NDST1: variants seen among roughly 807,000 people sequenced by gnomAD.
NDST1 encodes bifunctional heparan sulfate N-deacetylase/N-sulfotransferase 1.
In NDST1, 35 loss-of-function variants were observed where a neutral mutation model predicts 92.8. That is an observed-to-expected ratio of 0.38 (90% CI 0.29 to 0.50). The LOEUF (loss-of-function observed/expected upper bound fraction) is 0.50. Ranked by LOEUF, NDST1 falls within the 20% of genes least tolerant of loss-of-function variation. NDST1 has a pLI of 0.94. For missense variants in NDST1, 822 were observed against 1,182.7 expected (o/e 0.69, Z 4.47); for synonymous variants, 493 against 500.3 (o/e 0.99, Z 0.19).
intron 2 of NDST1, among the ~76,000 whole-genome samples, chr5:150,522,755 G>A (rs1754298478): frequency 1.3e-5 from 2 of 152,126 alleles, no homozygotes; most frequent in Non-Finnish European, 2.9e-5. Flanking sequence ...AAGAAACAAA[G>A]CAGGGAAAGG....
At chr5:150,545,991 C>A (rs1326551271) in intron 11 of NDST1, among the ~76,000 whole-genome samples, 1 of 83,692 alleles carries the variant, frequency 1.2e-5, no homozygotes, top group Non-Finnish European at 2.3e-5. Flanking sequence ...CCAGAGCTGT[C>A]TTTTTTTTTT....
rs138112808 is a variant in NDST1, at chr5:150,527,830, G to A, written c.540G>A (p.Ala180=). Residue 180 remains alanine, a synonymous_variant, in exon 3 of 15, where the codon GCG becomes GCA. Coordinates refer to ENST00000261797, the MANE Select transcript of NDST1 (RefSeq NM_001543.5). ...FKANENSLLS[A]QLKGFPLFLH... is the part of the protein sequence containing the mutation. Reference sequence around the variant, plus strand: ...CCAATGAGAACAGCCTGCTGAGTGCGCAGCTCAAGGGCTTCCCCCTGTTCC... The same window carrying A: ...CCAATGAGAACAGCCTGCTGAGTGCACAGCTCAAGGGCTTCCCCCTGTTCC... The A allele has an allele frequency of 8.3e-4, 1,340 of 1,614,042 alleles. 9 individuals are homozygous for A. The African/African-American group carries it at 0.016, about 19-fold the overall frequency.
intron 4 of NDST1, among the ~76,000 whole-genome samples, chr5:150,534,565 T>C (rs1314112942): frequency 2.6e-5 from 4 of 152,238 alleles, no homozygotes; most frequent in African/African-American, 7.2e-5. Flanking sequence ...AGAGCAGGTA[T>C]GTCAGAGGTA....
In NDST1 at chr5:150,510,508, TGTCCCGTCCTTGGGACGGGAGGGTG is replaced by T. The variant is rs565527787; in HGVS notation, c.-388+2284_-388+2308del. Among the ~76,000 whole-genome samples the T allele has an allele frequency of 5.3e-3, 806 of 152,334 alleles. 8 individuals carry two copies. The highest frequency in any genetic ancestry group is 0.018 in the African/African-American group (763 of 41,574). On this transcript the variant is annotated intron_variant, in intron 1 of 14. Coordinates refer to ENST00000261797, the MANE Select transcript of NDST1 (RefSeq NM_001543.5). ...AGAGCCTCAGTGGGACTGTCAGGAC[TGTCCCGTCCTTGGGACGGGAGGGTG>T]GCAGGTGACCTGCCGTGTTCCCCAC...
intron 1 of NDST1, among the ~76,000 whole-genome samples, chr5:150,510,578 G>T (rs988694842): frequency 6.6e-6 from 1 of 152,262 alleles, no homozygotes; most frequent in Non-Finnish European, 1.5e-5. Context: ...CCCCCAGGCT[G>T]TCTGGTATGT....
intron 2 of NDST1, among the ~76,000 whole-genome samples, chr5:150,527,260 G>A (rs573058901): frequency 2.0e-5 from 3 of 152,340 alleles, no homozygotes; most frequent in African/African-American, 7.2e-5. Flanking sequence ...AGTGGGATAC[G>A]CAGGCTGATG....
rs1039371212 is a variant in NDST1, at chr5:150,535,611, G to A, written c.1252-89G>A. The A allele has an allele frequency of 9.9e-6, 15 of 1,510,768 alleles. No homozygotes were observed. In the Admixed American group the frequency reaches 2.5e-4, roughly 26 times the overall value. 93.6% of individuals were successfully genotyped at this position (1,510,768 alleles called of 1,614,324 possible). A position where few individuals can be genotyped will look rare whatever the true frequency, so the allele number is the denominator to read the frequency against. On this transcript the variant is annotated intron_variant, in intron 5 of 14. Transcript: ENST00000261797. ...CAGCAGCCATGCCGACCTAACCTCTGATTTCTCTCTCCCATTCTACAAAGG... is the reference window on the plus strand; with the variant it reads ...CAGCAGCCATGCCGACCTAACCTCTAATTTCTCTCTCCCATTCTACAAAGG...
chr5:150,532,078 G>A (rs1268988958), intron 3 of NDST1, among the ~76,000 whole-genome samples: 1 of 152,174 alleles, frequency 6.6e-6, no homozygotes, highest in African/African-American at 2.4e-5. Flanking sequence ...ACGTAGCATT[G>A]GCCACCATTT....
At chr5:150,508,703 T>A (rs1403423051) in intron 1 of NDST1, among the ~76,000 whole-genome samples, 1 of 152,186 alleles carries the variant, frequency 6.6e-6, no homozygotes, top group Non-Finnish European at 1.5e-5. Context: ...GTGAGAGCCA[T>A]GGCTTGTCAA....
intron 2 of NDST1, 27 bp from the exon 3 acceptor site, chr5:150,527,777 C>T (rs772426567): frequency 8.1e-6 from 13 of 1,611,520 alleles, no homozygotes; most frequent in Non-Finnish European, 1.1e-5. Flanking sequence ...CAGTTCTGTT[C>T]CCCTTCCTGC....
Position 150,553,726 on chromosome 5 carries a change from C to G in NDST1, c.*394C>G, listed in dbSNP as rs889850069. 2.4e-6 allele frequency: 1 copy of G among 417,130 alleles called. No homozygotes were observed. The highest frequency in any genetic ancestry group is 2.2e-5 in the South Asian group (1 of 44,478). The allele number at this position is 417,130 out of a possible 1,614,324, so 25.8% of individuals were successfully genotyped here. ...GTATTCGCTGCCATATGTCCCTGTC[C>G]TCCAGGCTGTAGGGGAGGAGAGCCT... On this transcript the variant is annotated 3_prime_UTR_variant, in exon 15 of 15. Transcript: ENST00000261797. This position sits in a 1 kb window ranked among gnomAD's most constrained non-coding sequence, Gnocchi z 4.2.
At position 150,535,822 on chromosome 5, in the gene NDST1, G is replaced by T; in HGVS notation, c.1374G>T (p.Thr458=). The change falls in exon 6 of 15, where the codon ACG becomes ACT. Residue 458 remains threonine (T), a synonymous_variant. Transcript: ENST00000261797. The stretch of plus-strand genomic sequence containing the variant: ...TGTGGAGCATCCGCGTGACCAGCAC[G>T]GAGGAGTACCCCCACCTGAAGCCAG... The part of the protein sequence containing the change: ...KQVWSIRVTS[T]EEYPHLKPAR... 6.2e-7 allele frequency: 1 copy of T among 1,614,140 alleles called. No individual in the cohort carries two copies. The highest frequency in any genetic ancestry group is 8.5e-7 in the Non-Finnish European group (1 of 1,180,026).
intron 1 of NDST1, among the ~76,000 whole-genome samples, chr5:150,513,036 G>A (rs1025104218): frequency 6.6e-6 from 1 of 152,076 alleles, no homozygotes; most frequent in African/African-American, 2.4e-5. Flanking sequence ...TACCTTGTCT[G>A]TATTAAAAAA....
At chr5:150,516,307 C>T (rs1448576375) in intron 1 of NDST1, among the ~76,000 whole-genome samples, 1 of 152,164 alleles carries the variant, frequency 6.6e-6, no homozygotes, top group Non-Finnish European at 1.5e-5. Context: ...GAAAGTGCTT[C>T]GTGAGCTAAG....
In NDST1 at chr5:150,528,432, G is replaced by C. The variant is rs1581378339; in HGVS notation, c.1008+134G>C. 3.0e-6 allele frequency: 3 copies of C among 1,010,024 alleles called. No homozygotes were observed. In the East Asian group the frequency reaches 8.0e-5, roughly 27 times the overall value. The allele number at this position is 1,010,024 out of a possible 1,614,324, so 62.6% of individuals were successfully genotyped here. On this transcript the variant is annotated intron_variant, in intron 3 of 14. Transcript: ENST00000261797. ...GTTACTTAAAAGACAGTCCCACTCT[G>C]CTTCCTGTCCTGCCAGTTGGTTCTT...
chr5:150,507,314 TGTC>T (rs1345927398), upstream of NDST1, among the ~76,000 whole-genome samples: 4 of 152,156 alleles, frequency 2.6e-5, no homozygotes, highest in Non-Finnish European at 5.9e-5. Context: ...GTTCTACTGT[TGTC>T]AGGTTGCCTT....
intron 2 of NDST1, among the ~76,000 whole-genome samples, chr5:150,525,467 A>G (rs754529319): frequency 6.6e-6 from 1 of 152,154 alleles, no homozygotes; most frequent in Non-Finnish European, 1.5e-5. Flanking sequence ...ACACAGCCCA[A>G]GTAGTTCCCA....
chr5:150,523,596 C>T (rs971227552), intron 2 of NDST1, among the ~76,000 whole-genome samples: 4 of 152,204 alleles, frequency 2.6e-5, no homozygotes, highest in African/African-American at 9.7e-5. Flanking sequence ...TTAGTCTTAA[C>T]CACGATGTGA....
intron 5 of NDST1, 98 bp from the exon 6 acceptor site, chr5:150,535,602 C>A: frequency 1.4e-6 from 2 of 1,468,144 alleles, no homozygotes; most frequent in Non-Finnish European, 9.5e-7. Flanking sequence ...CCATGCCGAC[C>A]TAACCTCTGA....
Sources: gnomAD v4.1 joint callset for allele counts (sites outside exome capture counted in the v4.1 genomes callset) on GRCh38, gnomAD v4.1.1 for gene constraint, Gnocchi (gnomAD v3.1) non-coding constraint, MANE v1.5 for transcripts, NCBI Gene and HGNC (gene_info 2026-07-23, HGNC 2026-07-21) for gene names.